Variants in CNTNAP2 observed in about 807,000 individuals in gnomAD.
CNTNAP2 encodes contactin associated protein 2.
CNTNAP2 carries 98 observed loss-of-function variants against 155.2 expected under a neutral mutation model. The observed-to-expected ratio is 0.63, with a 90% CI of 0.54 to 0.75. The LOEUF is 0.75. Ranked by LOEUF, CNTNAP2 falls within the 30% of genes least tolerant of loss-of-function variation. CNTNAP2 has a pLI of 0.00. For synonymous variants in CNTNAP2, 651 were observed against 631.2 expected (o/e 1.03, Z -0.47); for missense variants, 1,727 against 1,688.1 (o/e 1.02, Z -0.40).
At chr7:146,259,018 A>T (rs1185545848) in intron 1 of CNTNAP2, among the ~76,000 whole-genome samples, 1 of 152,092 alleles carries the variant, frequency 6.6e-6, no homozygotes, top group Non-Finnish European at 1.5e-5. Context: ...GGTTTCCCCC[A>T]TGCTGCTCTC....
intron 17 of CNTNAP2, among the ~76,000 whole-genome samples, chr7:148,171,447 A>G (rs899510755): frequency 1.3e-5 from 2 of 152,156 alleles, no homozygotes; most frequent in Middle Eastern, 3.2e-3. Flanking sequence ...TAAGAATACT[A>G]TAGACACAAT....
chr7:146,220,101 C>T (rs1426144945), intron 1 of CNTNAP2, among the ~76,000 whole-genome samples: 3 of 152,078 alleles, frequency 2.0e-5, no homozygotes, highest in Non-Finnish European at 2.9e-5. Context: ...TCATACCATT[C>T]TGACTTTTGC....
chr7:146,261,543 A>G (rs888353362), intron 1 of CNTNAP2, among the ~76,000 whole-genome samples: 3 of 151,928 alleles, frequency 2.0e-5, no homozygotes, highest in Non-Finnish European at 4.4e-5. Context: ...AAATTTCCCT[A>G]TTACCTATAT....
chr7:148,134,445 A>G (rs1418296789), intron 16 of CNTNAP2, among the ~76,000 whole-genome samples: 1 of 152,224 alleles, frequency 6.6e-6, no homozygotes, highest in East Asian at 1.9e-4. Flanking sequence ...TTTGAAAAAT[A>G]GCATGCCCTT....
rs558980543 is a variant in CNTNAP2, at chr7:146,609,470, G to A, written c.98-164801G>A. 6.6e-5 allele frequency among the ~76,000 whole-genome samples: 10 copies of A among 152,264 alleles called. No homozygotes were observed. The South Asian group carries it at 2.1e-3, about 32-fold the overall frequency. On this transcript the variant is annotated intron_variant, in intron 1 of 23. Coordinates refer to ENST00000361727, the MANE Select transcript of CNTNAP2 (RefSeq NM_014141.6). Reference sequence around the variant, plus strand: ...TATAGTATTCTGCTGTGAATACTGTGACTACTAATTCACTATATCTACATT... The same window carrying A: ...TATAGTATTCTGCTGTGAATACTGTAACTACTAATTCACTATATCTACATT...
At chr7:146,865,929 A>G (rs542208917) in intron 3 of CNTNAP2, among the ~76,000 whole-genome samples, 9 of 152,282 alleles carry the variant, frequency 5.9e-5, no homozygotes, top group South Asian at 2.1e-4. Flanking sequence ...GAATCCTTGT[A>G]CTAGTCATAC....
rs56674675 is a variant in CNTNAP2, at chr7:147,104,873, CATATATATATATATATATAT to C, written c.551-3249_551-3230del. On this transcript the variant is annotated intron_variant, in intron 4 of 23. Transcript: ENST00000361727. ...TCTTTATTCTTCTCCCTTCCTCCCT[CATATATATATATATATATAT>C]ATATATATATATATATATATATATG... Among the ~76,000 whole-genome samples, 155 of 101,440 alleles carry C rather than the reference CATATATATATATATATATAT, an allele frequency of 1.5e-3. 1 individual carries two copies. The highest frequency in any genetic ancestry group is 2.1e-3 in the African/African-American group (66 of 30,702). 66.5% of individuals were successfully genotyped at this position (101,440 alleles called of 152,430 possible).
rs139552895 is a variant in CNTNAP2 at position 147,738,095 on chromosome 7, G to C, written c.2098+98789G>C. On this transcript the variant is annotated intron_variant, in intron 13 of 23. Coordinates refer to ENST00000361727, the MANE Select transcript of CNTNAP2 (RefSeq NM_014141.6). The stretch of plus-strand genomic sequence containing the variant: ...TCAGTTGGAAATGCAGACATCACCC[G>C]TCTTTTGTGTCACTTACGCTGGGAG... 6.2e-3 allele frequency among the ~76,000 whole-genome samples: 939 copies of C among 152,178 alleles called. 9 individuals carry two copies. The highest frequency in any genetic ancestry group is 0.021 in the African/African-American group (880 of 41,530).
At chr7:147,616,412 C>T (rs1269265006) in intron 12 of CNTNAP2, among the ~76,000 whole-genome samples, 1 of 152,186 alleles carries the variant, frequency 6.6e-6, no homozygotes, top group African/African-American at 2.4e-5. Flanking sequence ...AATCTGAAGA[C>T]TTTAATATGC....
chr7:147,190,839 T>C (rs1468325375), intron 8 of CNTNAP2, among the ~76,000 whole-genome samples: 2 of 152,116 alleles, frequency 1.3e-5, no homozygotes, highest in Admixed American at 6.5e-5. Flanking sequence ...AAGTGCTTTG[T>C]GAAGGAAATA....
chr7:146,246,637 G>A (rs1799662318), intron 1 of CNTNAP2, among the ~76,000 whole-genome samples: 1 of 151,568 alleles, frequency 6.6e-6, no homozygotes, highest in African/African-American at 2.4e-5. Flanking sequence ...CGATCCGACA[G>A]CATCAGTCTT....
chr7:148,051,706 A>G (rs1802892384), intron 15 of CNTNAP2, among the ~76,000 whole-genome samples: 1 of 152,242 alleles, frequency 6.6e-6, no homozygotes, highest in African/African-American at 2.4e-5. Context: ...ATGTGACTAT[A>G]CTTTAAAAAA....
At chr7:147,346,303 C>T (rs916812832) in intron 9 of CNTNAP2, among the ~76,000 whole-genome samples, 2 of 150,650 alleles carry the variant, frequency 1.3e-5, no homozygotes, top group African/African-American at 4.9e-5. Flanking sequence ...TACAGGCGCC[C>T]GCCACCGCGC....
chr7:146,198,012 C>A (rs781505532), intron 1 of CNTNAP2, among the ~76,000 whole-genome samples: 1 of 152,046 alleles, frequency 6.6e-6, no homozygotes, highest in Non-Finnish European at 1.5e-5. Flanking sequence ...GCTCCAGGCA[C>A]TTATCAAACA....
At chr7:147,454,846 G>A (rs1288150555) in intron 10 of CNTNAP2, among the ~76,000 whole-genome samples, 3 of 151,988 alleles carry the variant, frequency 2.0e-5, no homozygotes, top group African/African-American at 7.2e-5. Flanking sequence ...TTTAAGAAAA[G>A]AGATCCCGAC....
chr7:147,044,045 T>C lies in CNTNAP2; in HGVS notation c.541T>C (p.Cys181Arg). The change falls in exon 4 of 24, where the codon TGT (cysteine) becomes CGT (arginine). Residue 181 changes from cysteine to arginine, a missense_variant. By Grantham distance (180) the Cys-to-Arg change is radical. Coordinates refer to ENST00000361727, the MANE Select transcript of CNTNAP2 (RefSeq NM_014141.6). ...TGGACTCAGAATTGAAGTTTATGGC[T>C]GTTCTTACTGTGAGTATCGTATTGT... ...RIGLRIEVYG[C>R]SYWADVINFD... 6.2e-7 allele frequency: 1 copy of C among 1,614,154 alleles called. No homozygotes were observed. The highest frequency in any genetic ancestry group is 8.5e-7 in the Non-Finnish European group (1 of 1,179,992).
chr7:147,598,786 G>T (rs113917949), intron 12 of CNTNAP2, among the ~76,000 whole-genome samples: 1 of 152,070 alleles, frequency 6.6e-6, no homozygotes, highest in Non-Finnish European at 1.5e-5. Context: ...TCATGGGGGC[G>T]GTTACCCTCA....
At chr7:146,567,484 T>A (rs1373916036) in intron 1 of CNTNAP2, among the ~76,000 whole-genome samples, 1 of 152,204 alleles carries the variant, frequency 6.6e-6, no homozygotes, top group African/African-American at 2.4e-5. Flanking sequence ...ATAGTTTACC[T>A]ATCTTCATTG....
intron 1 of CNTNAP2, among the ~76,000 whole-genome samples, chr7:146,665,238 C>T (rs1355201444): frequency 4.6e-5 from 7 of 152,100 alleles, no homozygotes; most frequent in Non-Finnish European, 8.8e-5. Context: ...CGTGAGCCAC[C>T]GCGCCCGGCG....
Sources: gnomAD v4.1 joint callset for allele counts (sites outside exome capture counted in the v4.1 genomes callset) on GRCh38, gnomAD v4.1.1 for gene constraint, MANE v1.5 for transcripts, NCBI Gene and HGNC (gene_info 2026-07-23, HGNC 2026-07-21) for gene names.